The following AFAP1 variants were observed in gnomAD, a reference collection of about 807,000 sequenced individuals.
AFAP1 encodes actin filament associated protein 1, also known as actin filament-associated protein 1.
Under a neutral mutation model 93.9 loss-of-function variants are expected in AFAP1, and 75 were observed. The observed-to-expected ratio is 0.80, with a 90% CI of 0.66 to 0.97. The LOEUF (loss-of-function observed/expected upper bound fraction) is 0.97. Ranked by LOEUF, AFAP1 falls within the 50% of genes least tolerant of loss-of-function variation. The pLI, the probability that AFAP1 is intolerant of heterozygous loss-of-function variation, is 0.00. For missense variants in AFAP1, 1,201 were observed against 1,050.8 expected (o/e 1.14, Z -1.98); for synonymous variants, 517 against 430.7 (o/e 1.20, Z -2.48).
rs911434252 is a variant in AFAP1, at chr4:7,783,923, A to C, written c.1530+2271T>G. ...GAGAAGTGGATGGTTCTCAGGATGC[A>C]GATGAGTGTGGTAACTGGAGTCTAA... On this transcript the variant is annotated intron_variant, in intron 12 of 17. Coordinates refer to ENST00000420658, the MANE Select transcript of AFAP1 (RefSeq NM_001134647.2). Among the ~76,000 whole-genome samples the C allele has an allele frequency of 5.9e-5, 9 of 152,214 alleles. No individual in the cohort carries two copies. The East Asian group carries it at 1.7e-3, about 29-fold the overall frequency.
intron 6 of AFAP1, among the ~76,000 whole-genome samples, chr4:7,833,914 T>C (rs770002147): frequency 6.6e-6 from 1 of 151,954 alleles, no homozygotes; most frequent in Non-Finnish European, 1.5e-5. Flanking sequence ...TAATTAAAAG[T>C]AGAAGCACCA....
At chr4:7,766,996 C>T (rs1166387811) in intron 17 of AFAP1, among the ~76,000 whole-genome samples, 3 of 152,082 alleles carry the variant, frequency 2.0e-5, no homozygotes, top group East Asian at 3.9e-4. Flanking sequence ...CAGAAAAAGG[C>T]GGGAGGCAGA....
intron 1 of AFAP1, among the ~76,000 whole-genome samples, chr4:7,936,823 T>C (rs1560245543): frequency 6.6e-6 from 1 of 152,096 alleles, no homozygotes; most frequent in Non-Finnish European, 1.5e-5. Context: ...CCTCGTGATC[T>C]GCCTGCCTCG....
intron 1 of AFAP1, among the ~76,000 whole-genome samples, chr4:7,888,314 A>G (rs762539320): frequency 1.3e-5 from 2 of 151,956 alleles, no homozygotes; most frequent in South Asian, 2.1e-4. Flanking sequence ...AACTCTCCTC[A>G]CCCCTTCTGT....
intron 5 of AFAP1, among the ~76,000 whole-genome samples, chr4:7,841,987 T>A (rs867868825): frequency 6.6e-6 from 1 of 152,202 alleles, no homozygotes; most frequent in African/African-American, 2.4e-5. Context: ...CTCACTGGAT[T>A]TGGAAGCTTC....
intron 1 of AFAP1, among the ~76,000 whole-genome samples, chr4:7,914,963 G>A (rs940360686): frequency 1.3e-5 from 2 of 152,128 alleles, no homozygotes; most frequent in African/African-American, 4.8e-5. Flanking sequence ...TGGCCAGGCT[G>A]GTCTTGAACT....
intron 11 of AFAP1, among the ~76,000 whole-genome samples, chr4:7,793,419 A>C (rs1718076791): frequency 6.6e-6 from 1 of 152,266 alleles, no homozygotes; most frequent in Non-Finnish European, 1.5e-5. Flanking sequence ...GGTTATTAAC[A>C]GGAAACGTGT....
At chr4:7,868,810 A>G in intron 2 of AFAP1, 91 bp from the exon 3 acceptor site, 1 of 1,072,752 alleles carries the variant, frequency 9.3e-7, no homozygotes, top group Non-Finnish European at 1.4e-6. Context: ...CCCTGTGTTG[A>G]ACACTTTGCA....
intron 1 of AFAP1, among the ~76,000 whole-genome samples, chr4:7,921,044 C>T (rs111489252): frequency 6.6e-5 from 10 of 151,222 alleles, no homozygotes; most frequent in African/African-American, 2.2e-4. Context: ...TACCAGTTTG[C>T]CTCCAAAGAA....
chr4:7,926,138 C>G (rs1285629614), intron 1 of AFAP1, among the ~76,000 whole-genome samples: 3 of 152,158 alleles, frequency 2.0e-5, no homozygotes, highest in African/African-American at 7.2e-5. Flanking sequence ...CCTGACTTAC[C>G]GGGGTCACCC....
chr4:7,830,915 C>A (rs1476332885), intron 6 of AFAP1, among the ~76,000 whole-genome samples: 1 of 151,984 alleles, frequency 6.6e-6, no homozygotes, highest in Non-Finnish European at 1.5e-5. Flanking sequence ...AAAAGCATAC[C>A]AAGATAATAA....
intron 6 of AFAP1, among the ~76,000 whole-genome samples, chr4:7,828,571 C>T (rs557103958): frequency 4.6e-5 from 7 of 152,198 alleles, no homozygotes; most frequent in Admixed American, 6.5e-5. Context: ...CAGGCGTATG[C>T]GGAGCCTAAT....
chr4:7,934,233 G>T (rs1024290355), intron 1 of AFAP1, among the ~76,000 whole-genome samples: 1 of 152,176 alleles, frequency 6.6e-6, no homozygotes, highest in Non-Finnish European at 1.5e-5. Flanking sequence ...TAAGCTCTAA[G>T]TACCACACAG....
At chr4:7,895,367 TTATCAG>T (rs1389628483) in intron 1 of AFAP1, among the ~76,000 whole-genome samples, 1 of 152,162 alleles carries the variant, frequency 6.6e-6, no homozygotes, top group African/African-American at 2.4e-5. Flanking sequence ...ACTACGGTCA[TTATCAG>T]TATAATTATT....
At chr4:7,783,494 T>C (rs1268829864) in intron 12 of AFAP1, among the ~76,000 whole-genome samples, 3 of 152,120 alleles carry the variant, frequency 2.0e-5, no homozygotes, top group African/African-American at 7.2e-5. Flanking sequence ...AGAGATGAGC[T>C]GGTAACAGAG....
At chr4:7,904,404 G>A (rs117810837) in intron 1 of AFAP1, among the ~76,000 whole-genome samples, 1 of 152,138 alleles carries the variant, frequency 6.6e-6, no homozygotes, top group Non-Finnish European at 1.5e-5. Context: ...CCAATACCAT[G>A]AGTAACGCCA....
intron 3 of AFAP1, among the ~76,000 whole-genome samples, chr4:7,857,866 A>G (rs1216686740): frequency 6.7e-6 from 1 of 149,982 alleles, no homozygotes; most frequent in Non-Finnish European, 1.5e-5. Context: ...CTCTGAATCG[A>G]TGGGGTTCTG....
At chr4:7,825,484 C>G (rs1721339532) in intron 6 of AFAP1, among the ~76,000 whole-genome samples, 1 of 151,990 alleles carries the variant, frequency 6.6e-6, no homozygotes, top group South Asian at 2.1e-4. Flanking sequence ...ACTATATTCC[C>G]AAATAAACCA....
At chr4:7,923,440 T>C (rs1720545753) in intron 1 of AFAP1, among the ~76,000 whole-genome samples, 1 of 152,178 alleles carries the variant, frequency 6.6e-6, no homozygotes, top group African/African-American at 2.4e-5. Context: ...CCACCTTTCT[T>C]CTTTTCCTCA....
Sources: gnomAD v4.1 joint callset for allele counts (sites outside exome capture counted in the v4.1 genomes callset) on GRCh38, gnomAD v4.1.1 for gene constraint, MANE v1.5 for transcripts, NCBI Gene and HGNC (gene_info 2026-07-23, HGNC 2026-07-21) for gene names.